NBEA: variants seen among roughly 807,000 people sequenced by gnomAD.
The protein encoded by NBEA is neurobeachin.
A neutral mutation model predicts 343.4 loss-of-function variants in NBEA; 44 were observed. The observed-to-expected ratio is 0.13, with a 90% CI of 0.10 to 0.16. The LOEUF is 0.16. Ranked by LOEUF, NBEA falls within the 10% of genes least tolerant of loss-of-function variation. The pLI, the probability that NBEA is intolerant of heterozygous loss-of-function variation, is 1.00. For missense variants in NBEA, 2,555 were observed against 3,631.3 expected, an observed-to-expected ratio of 0.70 and a Z score of 7.62; for synonymous variants, 1,175 against 1,238.7, an observed-to-expected ratio of 0.95 and a Z score of 1.08.
intron 40 of NBEA, among the ~76,000 whole-genome samples, chr13:35,470,968 C>A (rs1264659869): frequency 2.0e-5 from 3 of 152,238 alleles, no homozygotes; most frequent in African/African-American, 7.2e-5. Flanking sequence ...CCGAGGTGGA[C>A]CCCGACTCGG....
At chr13:35,121,002 C>CGAAG (rs1344710937) in intron 16 of NBEA, among the ~76,000 whole-genome samples, 12 of 152,160 alleles carry the variant, frequency 7.9e-5, no homozygotes, top group African/African-American at 2.9e-4. Flanking sequence ...GGTCTAATAC[C>CGAAG]TTTTTTCCTG....
intron 1 of NBEA, among the ~76,000 whole-genome samples, chr13:34,986,272 C>T (rs1194532742): frequency 1.3e-5 from 2 of 150,810 alleles, no homozygotes; most frequent in Non-Finnish European, 3.0e-5. Flanking sequence ...GTCTTTATTT[C>T]TGCCTTCATT....
At chr13:35,411,932 C>A (rs61948745) in intron 38 of NBEA, among the ~76,000 whole-genome samples, 3 of 152,006 alleles carry the variant, frequency 2.0e-5, no homozygotes, top group South Asian at 2.1e-4. Context: ...ATTCTTCCAC[C>A]GAAACTTTAC....
At chr13:35,251,961 A>G (rs2032024913) in intron 34 of NBEA, 1 of 153,430 alleles carries the variant, frequency 6.5e-6, no homozygotes, top group Non-Finnish European at 1.5e-5. Context: ...AAGTGAAGGA[A>G]ATAAAAGTAA....
intron 41 of NBEA, among the ~76,000 whole-genome samples, chr13:35,481,823 C>T (rs548994685): frequency 2.0e-5 from 3 of 151,908 alleles, no homozygotes; most frequent in Non-Finnish European, 4.4e-5. Context: ...ATTTTACATA[C>T]ATGAATTTAC....
chr13:35,371,316 TTTA>T (rs1298372318), intron 38 of NBEA, among the ~76,000 whole-genome samples: 1 of 152,020 alleles, frequency 6.6e-6, no homozygotes, highest in Non-Finnish European at 1.5e-5. Flanking sequence ...TTCTTTTTTC[TTTA>T]TTATTTTCTT....
chr13:35,311,872 T>C (rs1055849409), intron 36 of NBEA, among the ~76,000 whole-genome samples: 1 of 151,962 alleles, frequency 6.6e-6, no homozygotes, highest in Non-Finnish European at 1.5e-5. Flanking sequence ...AAAAAAAAAA[T>C]TCAACCTATA....
At chr13:35,564,594 T>C (rs904788567) in intron 44 of NBEA, among the ~76,000 whole-genome samples, 4 of 152,144 alleles carry the variant, frequency 2.6e-5, no homozygotes, top group Admixed American at 2.0e-4. Context: ...TTTTACAATA[T>C]TGGTACTGTT....
chr13:34,960,169 C>T (rs1215410150), intron 1 of NBEA, among the ~76,000 whole-genome samples: 4 of 151,782 alleles, frequency 2.6e-5, no homozygotes, highest in Non-Finnish European at 4.4e-5. Flanking sequence ...CCTGACACTT[C>T]GTAGGTTTAG....
Position 34,968,873 on chromosome 13 carries a change from AATT to A in NBEA, c.294+25764_294+25766del, listed in dbSNP as rs940410722. Reference sequence around the variant, plus strand: ...GCTGTGATTAATGTGTTTTAATATCAATTATTAATATCAATTGATTGTTAATAT... The same window carrying A: ...GCTGTGATTAATGTGTTTTAATATCAATTAATATCAATTGATTGTTAATAT... On this transcript the variant is annotated intron_variant, in intron 1 of 58. Coordinates refer to ENST00000379939, the MANE Select transcript of NBEA (RefSeq NM_001385012.1). Among the ~76,000 whole-genome samples, 4 of 152,198 alleles carry A rather than the reference AATT, an allele frequency of 2.6e-5. No individual in the cohort carries two copies. In the East Asian group the frequency reaches 5.8e-4, roughly 22 times the overall value.
rs73504704 is a variant in NBEA, at chr13:35,451,876, C to T, written c.6305-216C>T. ...GCATGTAGCTTCCTCTGCCTGTTTC[C>T]TCATCTTTAAAATAAGGGTAGATCA... On this transcript the variant is annotated intron_variant, in intron 39 of 58. Coordinates refer to ENST00000379939, the MANE Select transcript of NBEA (RefSeq NM_001385012.1). 7.6e-3 allele frequency among the ~76,000 whole-genome samples: 1,162 copies of T among 152,210 alleles called. 19 individuals carry two copies. The highest frequency in any genetic ancestry group is 0.026 in the African/African-American group (1,092 of 41,524).
chr13:35,367,767 C>A lies in NBEA; in HGVS notation c.6179+15444C>A, dbSNP rs1049845723. 5.3e-5 allele frequency among the ~76,000 whole-genome samples: 8 copies of A among 151,336 alleles called. No homozygotes were observed. In the East Asian group the frequency reaches 1.5e-3, roughly 29 times the overall value. On this transcript the variant is annotated intron_variant, in intron 38 of 58. Transcript: ENST00000379939. ...TTGGATGAAGAAAGACTTTTGAAGT[C>A]TAGGCAGTAAAATATGCCAAATATA... is the stretch of plus-strand genomic sequence containing the variant.
chr13:35,417,521 T>A (rs1270770411), intron 38 of NBEA, among the ~76,000 whole-genome samples: 1 of 152,188 alleles, frequency 6.6e-6, no homozygotes, highest in Non-Finnish European at 1.5e-5. Flanking sequence ...AGCAGGTTGT[T>A]CAGTTTCGTG....
rs757159253 is a variant in NBEA at position 35,555,026 on chromosome 13, T to A, written c.6846T>A (p.Ser2282=). The A allele has an allele frequency of 7.4e-6, 12 of 1,612,412 alleles. No homozygotes were observed. Among genetic ancestry groups the A allele is most frequent in the Non-Finnish European group, 1.0e-5 (12 of 1,178,904 alleles). The change falls in exon 44 of 59, where the codon TCT becomes TCA. Residue 2282 remains serine, a synonymous_variant. Coordinates refer to ENST00000379939, the MANE Select transcript of NBEA (RefSeq NM_001385012.1). ...SLATPRQLYK[S]SNMTQRWQRR... ...CCACTCCTCGACAGCTTTATAAATC[T>A]TCCAATATGACTCAGCGCTGGCAAA...
At chr13:35,364,297 G>A (rs898931880) in intron 38 of NBEA, among the ~76,000 whole-genome samples, 3 of 151,846 alleles carry the variant, frequency 2.0e-5, no homozygotes, top group African/African-American at 7.2e-5. Flanking sequence ...TAGAGTATAT[G>A]CTTTCTTCTT....
intron 36 of NBEA, among the ~76,000 whole-genome samples, chr13:35,326,205 A>G (rs2038548626): frequency 6.6e-6 from 1 of 152,174 alleles, no homozygotes; most frequent in South Asian, 2.1e-4. Context: ...TGGTAGTTTG[A>G]TAGGAATAGT....
chr13:35,119,522 C>G (rs1171824557), intron 16 of NBEA, among the ~76,000 whole-genome samples: 6 of 152,060 alleles, frequency 3.9e-5, no homozygotes, highest in African/African-American at 1.4e-4. Context: ...GTTTATAATT[C>G]ATAGGGCTGC....
At chr13:35,535,543 G>C (rs1000694921) in intron 41 of NBEA, among the ~76,000 whole-genome samples, 2 of 152,116 alleles carry the variant, frequency 1.3e-5, no homozygotes, top group Admixed American at 1.3e-4. Context: ...GGTTCACTAA[G>C]GTCTGGGTAG....
chr13:35,590,918 C>T (rs1482152484), intron 46 of NBEA, among the ~76,000 whole-genome samples: 1 of 152,066 alleles, frequency 6.6e-6, no homozygotes, highest in Admixed American at 6.6e-5. Context: ...ATTTAACACA[C>T]ATTTGTTAAA....
Sources: gnomAD v4.1 joint callset for allele counts (sites outside exome capture counted in the v4.1 genomes callset) on GRCh38, gnomAD v4.1.1 for gene constraint, MANE v1.5 for transcripts, NCBI Gene and HGNC (gene_info 2026-07-23, HGNC 2026-07-21) for gene names.